The following PTPRD variants were observed in gnomAD, a reference collection of about 807,000 sequenced individuals.
The protein encoded by PTPRD is receptor-type tyrosine-protein phosphatase delta.
In PTPRD, 34 loss-of-function variants were observed where a neutral mutation model predicts 214.5. The ratio of observed to expected loss-of-function variants is 0.16; its 90% CI spans 0.12 to 0.21. The LOEUF is 0.21. Ranked by LOEUF, PTPRD falls within the 10% of genes least tolerant of loss-of-function variation. The probability of loss-of-function intolerance (pLI) is 1.00; values close to 1 mark genes in which losing one functional copy is unlikely to be tolerated. For synonymous variants in PTPRD, 1,128 were observed against 845.7 expected (o/e 1.33, Z -5.79); for missense variants, 2,545 against 2,398.7 (o/e 1.06, Z -1.27).
intron 10 of PTPRD, among the ~76,000 whole-genome samples, chr9:9,022,258 T>C (rs1053706004): frequency 3.9e-4 from 59 of 152,110 alleles, no homozygotes; most frequent in African/African-American, 1.4e-3. Context: ...GTGTGCAGGG[T>C]TTATAAAGTC....
intron 8 of PTPRD, among the ~76,000 whole-genome samples, chr9:9,487,982 C>A (rs1226574548): frequency 2.0e-5 from 3 of 151,972 alleles, no homozygotes; most frequent in East Asian, 3.9e-4. Flanking sequence ...AGTATTTTTC[C>A]CATGAGGTAT....
At chr9:9,401,621 G>C (rs1175137613) in intron 8 of PTPRD, among the ~76,000 whole-genome samples, 2 of 148,772 alleles carry the variant, frequency 1.3e-5, no homozygotes, top group South Asian at 2.1e-4. Flanking sequence ...TTTTTTCCCT[G>C]AAATACAAAT....
chr9:10,296,023 T>C (rs971605634), intron 3 of PTPRD, among the ~76,000 whole-genome samples: 8 of 152,192 alleles, frequency 5.3e-5, no homozygotes, highest in African/African-American at 1.9e-4. Flanking sequence ...CAGAACCACA[T>C]GGCAACATAA....
intron 9 of PTPRD, among the ~76,000 whole-genome samples, chr9:9,380,549 A>T (rs926283996): frequency 1.3e-5 from 2 of 152,128 alleles, no homozygotes; most frequent in Admixed American, 1.3e-4. Context: ...GAAAGCAGAC[A>T]TTTCTTAACT....
At chr9:8,897,745 G>A (rs2098632009) in intron 11 of PTPRD, among the ~76,000 whole-genome samples, 1 of 152,102 alleles carries the variant, frequency 6.6e-6, no homozygotes, top group Admixed American at 6.5e-5. Flanking sequence ...TGAGATATGG[G>A]GGGCACACAG....
chr9:8,397,204 A>G (rs1003585941), intron 36 of PTPRD, among the ~76,000 whole-genome samples: 1 of 152,158 alleles, frequency 6.6e-6, no homozygotes, highest in Non-Finnish European at 1.5e-5. Flanking sequence ...GCAAGGTAAA[A>G]CAAACATGAG....
chr9:8,672,577 C>T (rs1216441615), intron 12 of PTPRD, among the ~76,000 whole-genome samples: 2 of 152,006 alleles, frequency 1.3e-5, no homozygotes, highest in East Asian at 1.9e-4. Context: ...TATTTCACTT[C>T]TTAAAAATAT....
Position 8,551,378 on chromosome 9 carries a change from A to C in PTPRD, c.353-22599T>G, listed in dbSNP as rs116531435. ...ATTTAATCTCATCCTTATATGCTTC[A>C]TATCTCATTTTATTTTTGCTGTTTT... On this transcript the variant is annotated intron_variant, in intron 14 of 45. Transcript: ENST00000381196. Among the ~76,000 whole-genome samples, 1,497 of 152,282 alleles carry C rather than the reference A, an allele frequency of 9.8e-3. 20 individuals carry two copies. Among genetic ancestry groups the C allele is most frequent in the African/African-American group, 0.034 (1,415 of 41,560 alleles).
intron 9 of PTPRD, among the ~76,000 whole-genome samples, chr9:9,195,149 T>C (rs2099937744): frequency 6.6e-6 from 1 of 150,468 alleles, no homozygotes; most frequent in Non-Finnish European, 1.5e-5. Context: ...TATACAACTT[T>C]TAAAACAAAC....
chr9:9,216,404 A>G (rs959024369), intron 9 of PTPRD, among the ~76,000 whole-genome samples: 1 of 152,206 alleles, frequency 6.6e-6, no homozygotes, highest in African/African-American at 2.4e-5. Context: ...CAGAAAAGAA[A>G]TGGGATAAAA....
intron 11 of PTPRD, among the ~76,000 whole-genome samples, chr9:8,888,880 G>C (rs969179104): frequency 1.3e-5 from 2 of 152,174 alleles, no homozygotes; most frequent in South Asian, 2.1e-4. Flanking sequence ...TAACTTGAAG[G>C]CCCAGAGCAG....
intron 42 of PTPRD, among the ~76,000 whole-genome samples, chr9:8,339,834 TC>T (rs1850750426): frequency 5.8e-5 from 5 of 86,094 alleles, no homozygotes; most frequent in African/African-American, 1.9e-4. Context: ...TATGTGTATT[TC>T]AAAAAAAAAC....
intron 17 of PTPRD, 45 bp downstream of exon 17, chr9:8,526,582 A>G: frequency 1.3e-6 from 2 of 1,508,926 alleles, no homozygotes; most frequent in Non-Finnish European, 1.8e-6. Flanking sequence ...AAGGACAGAA[A>G]GAATGAGTAA....
intron 9 of PTPRD, among the ~76,000 whole-genome samples, chr9:9,381,014 T>C (rs536257967): frequency 6.6e-6 from 1 of 152,188 alleles, no homozygotes; most frequent in African/African-American, 2.4e-5. Context: ...CGTATTTCTT[T>C]TGCTTAGTGT....
intron 11 of PTPRD, among the ~76,000 whole-genome samples, chr9:8,948,906 G>C (rs1165499217): frequency 6.6e-6 from 1 of 151,670 alleles, no homozygotes; most frequent in Non-Finnish European, 1.5e-5. Flanking sequence ...TTTTTTCTCA[G>C]TCTGAACACG....
At chr9:8,513,421 C>G (rs1166415472) in intron 21 of PTPRD, among the ~76,000 whole-genome samples, 1 of 152,020 alleles carries the variant, frequency 6.6e-6, no homozygotes, top group Non-Finnish European at 1.5e-5. Flanking sequence ...ATCCTAAATA[C>G]TGTTCTTTTG....
At chr9:9,956,936 C>A (rs970996366) in intron 4 of PTPRD, among the ~76,000 whole-genome samples, 2 of 152,032 alleles carry the variant, frequency 1.3e-5, no homozygotes, top group Non-Finnish European at 2.9e-5. Flanking sequence ...GTTATAACTG[C>A]CCATAGGTGG....
At chr9:8,332,967 C>G (rs529133424) in intron 43 of PTPRD, among the ~76,000 whole-genome samples, 10 of 152,114 alleles carry the variant, frequency 6.6e-5, no homozygotes, top group Non-Finnish European at 1.3e-4. Context: ...GGTAAGTGAA[C>G]AGGGACTCAA....
chr9:9,727,957 G>C (rs1027976163), intron 7 of PTPRD, among the ~76,000 whole-genome samples: 2 of 152,150 alleles, frequency 1.3e-5, no homozygotes, highest in Admixed American at 6.6e-5. Context: ...TTGAATTGTA[G>C]CTCCCATAAT....
Sources: gnomAD v4.1 joint callset for allele counts (sites outside exome capture counted in the v4.1 genomes callset) on GRCh38, gnomAD v4.1.1 for gene constraint, MANE v1.5 for transcripts, NCBI Gene and HGNC (gene_info 2026-07-23, HGNC 2026-07-21) for gene names.